Variants in ADGB observed in about 807,000 individuals in gnomAD.
ADGB encodes the protein androglobin, also known as calpain-7-like protein.
ADGB carries 172 observed loss-of-function variants against 210.5 expected under a neutral mutation model. That is an observed-to-expected ratio of 0.82 (90% CI 0.72 to 0.93). The LOEUF (loss-of-function observed/expected upper bound fraction) is 0.93. Among genes scored for constraint, ADGB ranks in the 40% least tolerant of loss-of-function variants. ADGB has a pLI of 0.00. For synonymous variants in ADGB, 658 were observed against 662.7 expected (o/e 0.99, Z 0.11); for missense variants, 2,025 against 1,964.8 (o/e 1.03, Z -0.58).
intron 2 of ADGB, among the ~76,000 whole-genome samples, chr6:146,643,509 T>C (rs1418250629): frequency 1.3e-5 from 2 of 151,882 alleles, no homozygotes; most frequent in African/African-American, 4.8e-5. Context: ...CCCAGTATCC[T>C]ATAAATTCTT....
intron 11 of ADGB, among the ~76,000 whole-genome samples, chr6:146,691,492 A>ATTT (rs1776324967): frequency 5.8e-5 from 1 of 17,334 alleles, no homozygotes; most frequent in African/African-American, 4.5e-4. Flanking sequence ...ATATATATAT[A>ATTT]TATATATATT....
At chr6:146,769,667 T>C (rs116712698) in intron 29 of ADGB, among the ~76,000 whole-genome samples, 3,341 of 152,258 alleles carry the variant, frequency 0.022, 104 homozygotes, top group African/African-American at 0.074. Flanking sequence ...TTATATCCCA[T>C]TGGGCAATCT....
chr6:146,657,089 G>C, intron 5 of ADGB, 109 bp downstream of exon 5: 7 of 1,000,304 alleles, frequency 7.0e-6, no homozygotes, highest in Non-Finnish European at 1.0e-5. Context: ...GGAGGCAAAG[G>C]CCAAGGCAGT....
chr6:146,618,454 A>T (rs1562256399), intron 1 of ADGB, among the ~76,000 whole-genome samples: 1 of 151,888 alleles, frequency 6.6e-6, no homozygotes, highest in Non-Finnish European at 1.5e-5. Context: ...GAAGTGCATT[A>T]TTAAGTTATT....
chr6:146,737,257 A>G (rs1365199467), intron 23 of ADGB, among the ~76,000 whole-genome samples: 2 of 152,200 alleles, frequency 1.3e-5, no homozygotes, highest in Non-Finnish European at 2.9e-5. Flanking sequence ...AGACAAATGG[A>G]AAGTACGTCA....
At chr6:146,625,318 A>G (rs572228207) in intron 1 of ADGB, among the ~76,000 whole-genome samples, 24 of 152,224 alleles carry the variant, frequency 1.6e-4, no homozygotes, top group South Asian at 1.0e-3. Context: ...TTATGAAATC[A>G]CATTCTTTTA....
chr6:146,616,010 A>G (rs1780793564), intron 1 of ADGB, among the ~76,000 whole-genome samples: 1 of 152,114 alleles, frequency 6.6e-6, no homozygotes, highest in African/African-American at 2.4e-5. Context: ...TAGTAGCTGT[A>G]CTAGTTTACA....
intron 31 of ADGB, 140 bp downstream of exon 31, chr6:146,784,934 A>C (rs919964022): frequency 3.2e-5 from 27 of 856,530 alleles, no homozygotes; most frequent in Non-Finnish European, 4.7e-5. Flanking sequence ...GCATTGAATA[A>C]CTACGTTAGG....
chr6:146,694,660 A>G (rs1776380125), intron 12 of ADGB, among the ~76,000 whole-genome samples: 1 of 152,148 alleles, frequency 6.6e-6, no homozygotes, highest in African/African-American at 2.4e-5. Flanking sequence ...AAAATAATAC[A>G]TTGCAGCTTT....
Position 146,632,866 on chromosome 6 carries a change from A to G in ADGB, c.75-2509A>G, listed in dbSNP as rs567226598. 4.6e-5 allele frequency among the ~76,000 whole-genome samples: 7 copies of G among 152,270 alleles called. No individual in the cohort carries two copies. The South Asian group carries it at 1.4e-3, about 32-fold the overall frequency. ...TGACCCAGCATTGTGGTCAGGGTCC[A>G]TTTAGAATTGTTCTTGCTCAATCTA... On this transcript the variant is annotated intron_variant, in intron 1 of 35. Transcript: ENST00000397944.
At chr6:146,643,223 T>C (rs1401838403) in intron 2 of ADGB, among the ~76,000 whole-genome samples, 5 of 151,894 alleles carry the variant, frequency 3.3e-5, no homozygotes, top group African/African-American at 1.2e-4. Context: ...ATCTTAAAGG[T>C]GACAATAAAC....
chr6:146,684,419 G>A (rs1776195014), intron 9 of ADGB, among the ~76,000 whole-genome samples: 1 of 152,012 alleles, frequency 6.6e-6, no homozygotes, highest in African/African-American at 2.4e-5. Context: ...ACTTATTGGA[G>A]GGCTTCAATT....
chr6:146,685,709 A>G (rs12195808), intron 9 of ADGB, 25 bp from the exon 10 acceptor site: 316,516 of 1,398,810 alleles, frequency 0.23, 41,430 homozygotes, highest in African/African-American at 0.57. Flanking sequence ...GAATTTTCAC[A>G]ACATAATGTA....
intron 27 of ADGB, among the ~76,000 whole-genome samples, chr6:146,761,268 T>C (rs1451754417): frequency 5.9e-5 from 9 of 152,030 alleles, no homozygotes; most frequent in African/African-American, 1.9e-4. Context: ...TATTTATGTA[T>C]GGTTTAAGGT....
At chr6:146,697,223 G>A (rs1348740932) in intron 12 of ADGB, among the ~76,000 whole-genome samples, 1 of 152,272 alleles carries the variant, frequency 6.6e-6, no homozygotes, top group Non-Finnish European at 1.5e-5. Context: ...TGAATCAGAA[G>A]TGACCATGAA....
At chr6:146,803,250 G>T in intron 35 of ADGB, 1 of 1,578,882 alleles carries the variant, frequency 6.3e-7, no homozygotes, top group Non-Finnish European at 8.7e-7. Flanking sequence ...TTGGACCATT[G>T]TTTCATGGTC....
At chr6:146,606,160 T>C (rs2114824777) in intron 1 of ADGB, among the ~76,000 whole-genome samples, 1 of 152,334 alleles carries the variant, frequency 6.6e-6, no homozygotes, top group Non-Finnish European at 1.5e-5. Flanking sequence ...TTGATTGGTA[T>C]TTCTCTAATG....
intron 3 of ADGB, among the ~76,000 whole-genome samples, chr6:146,647,088 C>CAAAAAAAAAAA (rs780260770): frequency 9.0e-6 from 1 of 110,820 alleles, no homozygotes; most frequent in African/African-American, 3.5e-5. Context: ...GAGCCTGTCT[C>CAAAAAAAAAAA]AAAAAAAAAC....
intron 13 of ADGB, among the ~76,000 whole-genome samples, chr6:146,704,199 T>C (rs1776534696): frequency 6.6e-6 from 1 of 151,972 alleles, no homozygotes; most frequent in South Asian, 2.1e-4. Context: ...TTATATGTTT[T>C]GAATATTAAC....
Sources: allele counts gnomAD v4.1 joint callset (sites outside exome capture counted in the v4.1 genomes callset), GRCh38; gene constraint gnomAD v4.1.1; transcripts MANE v1.5; gene names NCBI Gene and HGNC (gene_info 2026-07-23, HGNC 2026-07-21).